SALL1: variants seen among roughly 807,000 people sequenced by gnomAD.
SALL1 encodes spalt like transcription factor 1, also known as sal-like protein 1.
In SALL1, 10 loss-of-function variants were observed where a neutral mutation model predicts 73.1. That is an observed-to-expected ratio of 0.14 (90% CI 0.08 to 0.23). SALL1 has a LOEUF of 0.23. SALL1 is among the 10% of genes least tolerant of loss of function. The pLI, the probability that SALL1 is intolerant of heterozygous loss-of-function variation, is 1.00. For missense variants in SALL1, 1,520 were observed against 1,697.3 expected (o/e 0.90, Z 1.84); for synonymous variants, 688 against 689.8 (o/e 1.00, Z 0.04).
chr16:51,139,649 A>T lies in SALL1; in HGVS notation c.2573T>A (p.Leu858His), dbSNP rs754758433. 9.9e-6 allele frequency: 16 copies of T among 1,613,798 alleles called. No individual in the cohort carries two copies. The Admixed American group carries it at 2.7e-4, about 27-fold the overall frequency. ...QDSLSSSPLP[L>H]EMSSIAALEN... ...CAAAGCAGCGATGCTCGACATCTCGAGGGGCAAAGGCGAAGAGGATAAGCT... is the reference window on the plus strand; with the variant it reads ...CAAAGCAGCGATGCTCGACATCTCGTGGGGCAAAGGCGAAGAGGATAAGCT... The change falls in exon 2 of 3, where the codon CTC (leucine) becomes CAC (histidine). Residue 858 changes from leucine (L) to histidine (H), a missense_variant. Transcript: ENST00000251020.
rs189411650 is a variant in SALL1 at position 51,137,145 on chromosome 16, G to C, written c.3942C>G (p.Phe1314Leu). Residue 1314 changes from phenylalanine to leucine, a missense_variant, in exon 3 of 3, where the codon TTC becomes TTG. Phe to Leu is a conservative substitution (Grantham distance 22, BLOSUM62 0). This residue lies in a region of SALL1 where 318 missense variants were observed against 357.1 expected (regional missense o/e 0.89). Coordinates refer to ENST00000251020, the MANE Select transcript of SALL1 (RefSeq NM_002968.3). Reference sequence around the variant, plus strand: ...TGACGATCTCCTTGCTGTCCTCCACGAAGCGGGTGAAGCGGAAGTTGGTTC... The same window carrying C: ...TGACGATCTCCTTGCTGTCCTCCACCAAGCGGGTGAAGCGGAAGTTGGTTC... ...ENGTNFRFTR[F>L]VEDSKEIVTS 6 of 1,614,012 alleles carry C rather than the reference G, an allele frequency of 3.7e-6. No individual in the cohort carries two copies. Among genetic ancestry groups the C allele is most frequent in the Non-Finnish European group, 5.1e-6 (6 of 1,180,042 alleles).
chr16:51,142,743 C>A (rs1254135934), intron 1 of SALL1, among the ~76,000 whole-genome samples: 2 of 152,186 alleles, frequency 1.3e-5, no homozygotes, highest in African/African-American at 4.8e-5. Context: ...TTAGTCACAT[C>A]AGTAACAAAT....
At chr16:51,148,264 G>A (rs1365616494) in intron 1 of SALL1, among the ~76,000 whole-genome samples, 1 of 152,216 alleles carries the variant, frequency 6.6e-6, no homozygotes, top group Non-Finnish European at 1.5e-5. Flanking sequence ...ACAACACCAA[G>A]CAGCCCTAGC....
chr16:51,143,808 T>TTAAA (rs771214637), intron 1 of SALL1, among the ~76,000 whole-genome samples: 10 of 152,172 alleles, frequency 6.6e-5, no homozygotes, highest in Non-Finnish European at 1.5e-4. Flanking sequence ...ACTGGGAGTG[T>TTAAA]TATTTGAGTA....
At position 51,139,351 on chromosome 16, in the gene SALL1, G is replaced by A. The variant is rs1320682840; in HGVS notation, c.2871C>T (p.Ala957=). 2.5e-6 allele frequency: 4 copies of A among 1,614,130 alleles called. No individual in the cohort carries two copies. In the East Asian group the frequency reaches 6.7e-5, roughly 27 times the overall value. The change falls in exon 2 of 3, where the codon GCC becomes GCT. Residue 957 remains alanine, a synonymous_variant. Transcript: ENST00000251020. ...KPQRAVPSEF[A]NGLSPTPVNG... is the part of the protein sequence containing the mutation. The stretch of plus-strand genomic sequence containing the variant: ...TCACTGGGGTGGGAGACAAACCATT[G>A]GCAAACTCGCTTGGGACCGCTCTCT...
chr16:51,141,741 CGCCGCT>C lies in SALL1; in HGVS notation c.475_480del (p.Ser159_Gly160del). On this transcript the variant is annotated inframe_deletion, in exon 2 of 3. Coordinates refer to ENST00000251020, the MANE Select transcript of SALL1 (RefSeq NM_002968.3). The surrounding 1 kb of genome is among the most constrained non-coding windows in gnomAD (Gnocchi z 5.4). ...GTACCTGTGGAGGAGCTGCCGCCGC[CGCCGCT>C]GCTGCTGCTGCTGCTGCTGCTGCTG... The C allele has an allele frequency of 6.2e-7, 1 of 1,609,600 alleles. No individual in the cohort carries two copies. The highest frequency in any genetic ancestry group is 8.5e-7 in the Non-Finnish European group (1 of 1,179,304).
At chr16:51,151,859 G>C (rs533490973), upstream of SALL1, among the ~76,000 whole-genome samples, 2 of 151,436 alleles carry the variant, frequency 1.3e-5, no homozygotes, top group Non-Finnish European at 3.0e-5. Context: ...CCGGGCTGCC[G>C]GCGCGCTGCG....
rs1414027666 is a variant in SALL1 at position 51,140,494 on chromosome 16, G to A, written c.1728C>T (p.Ala576=). 1 of 1,614,006 alleles carries A rather than the reference G, an allele frequency of 6.2e-7. No homozygotes were observed. Among genetic ancestry groups the A allele is most frequent in the Non-Finnish European group, 8.5e-7 (1 of 1,179,980 alleles). Residue 576 remains alanine (A), a synonymous_variant, in exon 2 of 3, where the codon GCC becomes GCT. Coordinates refer to ENST00000251020, the MANE Select transcript of SALL1 (RefSeq NM_002968.3). The surrounding 1 kb of genome is among the most constrained non-coding windows in gnomAD (Gnocchi z 5.7). ...LIPFIKTEEP[A]PIPISHSATS... The stretch of plus-strand genomic sequence containing the variant: ...TGGCAGAATGGCTGATGGGGATGGG[G>A]GCTGGCTCTTCCGTCTTGATGAAGG...
At position 51,139,595 on chromosome 16, in the gene SALL1, C is replaced by T. The variant is rs1253981460; in HGVS notation, c.2627G>A (p.Gly876Asp). ...LENQMKMINA[G>D]LAEQLQASLK... The stretch of plus-strand genomic sequence containing the variant: ...GCTGGCCTGTAGCTGCTCTGCCAGG[C>T]CAGCATTGATCATCTTCATCTGATT... Residue 876 changes from glycine to aspartate, a missense_variant, in exon 2 of 3, where the codon GGC becomes GAC. Gly to Asp is a moderately conservative substitution (Grantham distance 94). Transcript: ENST00000251020. The T allele has an allele frequency of 6.2e-7, 1 of 1,613,858 alleles. No individual in the cohort carries two copies. The highest frequency in any genetic ancestry group is 2.2e-5 in the East Asian group (1 of 44,894).
chr16:51,137,064 G>T lies in SALL1; in HGVS notation c.*48C>A. The T allele has an allele frequency of 6.3e-7, 1 of 1,588,154 alleles. No homozygotes were observed. Among genetic ancestry groups the T allele is most frequent in the Non-Finnish European group, 8.6e-7 (1 of 1,158,298 alleles). ...GGCAAGGAGTAGGAGGCCACCATAG[G>T]TCGCATTCTGAACAGGAATGAATGC... On this transcript the variant is annotated 3_prime_UTR_variant, in exon 3 of 3. Transcript: ENST00000251020.
At position 51,139,294 on chromosome 16, in the gene SALL1, G is replaced by C; in HGVS notation, c.2928C>G (p.His976Gln). 1.2e-6 allele frequency: 2 copies of C among 1,614,134 alleles called. No individual in the cohort carries two copies. Among genetic ancestry groups the C allele is most frequent in the Non-Finnish European group, 8.5e-7 (1 of 1,180,028 alleles). The change falls in exon 2 of 3, where the codon CAC (histidine) becomes CAG (glutamine). Residue 976 changes from histidine to glutamine, a missense_variant. Physicochemically the swap from His to Gln is conservative, Grantham distance 24. This residue lies in a region of SALL1 where 266 missense variants were observed against 275.1 expected (regional missense o/e 0.97). Transcript: ENST00000251020. Reference protein sequence around the residue: ...NGGALDLTSSHAEKIIKEDSL... With the variant: ...NGGALDLTSSQAEKIIKEDSL... The stretch of plus-strand genomic sequence containing the variant: ...AATCTTCTTTGATGATTTTCTCTGC[G>C]TGACTAGATGTCAAATCCAAAGCCC...
rs1339649887 is a variant in SALL1 at position 51,140,872 on chromosome 16, C to T, written c.1350G>A (p.Lys450=). Residue 450 remains lysine (K), a synonymous_variant, in exon 2 of 3, where the codon AAG becomes AAA. Transcript: ENST00000251020. The surrounding 1 kb of genome is among the most constrained non-coding windows in gnomAD (Gnocchi z 5.7). ...CAAAGACCTTCGCGCAGAACCTGCA[C>T]TTGTGTTTGAAGAATGCCTCATCGG... ...STSDEAFFKH[K]CRFCAKVFGS... 1 of 1,614,090 alleles carries T rather than the reference C, an allele frequency of 6.2e-7. No individual in the cohort carries two copies. The highest frequency in any genetic ancestry group is 8.5e-7 in the Non-Finnish European group (1 of 1,180,056).
chr16:51,141,789 T>C lies in SALL1; in HGVS notation c.433A>G (p.Ser145Gly). 2 of 1,612,946 alleles carry C rather than the reference T, an allele frequency of 1.2e-6. No homozygotes were observed. The highest frequency in any genetic ancestry group is 1.7e-6 in the Non-Finnish European group (2 of 1,179,734). The change falls in exon 2 of 3, where the codon AGC (serine) becomes GGC (glycine). Residue 145 changes from serine to glycine, a missense_variant. By Grantham distance (56) the Ser-to-Gly change is moderately conservative (BLOSUM62 0). Transcript: ENST00000251020. This position sits in a 1 kb window ranked among gnomAD's most constrained non-coding sequence, Gnocchi z 5.4. ...CTGCTGCTGCTTGGGGCGGTACTGC[T>C]GTGGCTGCCGCTGGAAGTGCCGCTG... ...SGSGTSSGSH[S>G]STAPSSSSSS...
chr16:51,140,083 C>T lies in SALL1; in HGVS notation c.2139G>A (p.Arg713=). Residue 713 remains arginine, a synonymous_variant, in exon 2 of 3, where the codon CGG becomes CGA. Transcript: ENST00000251020. This position sits in a 1 kb window ranked among gnomAD's most constrained non-coding sequence, Gnocchi z 5.7. ...TCAAGGCGCTCTGGCAGCTGAGAACCCGGTGGCAGATGATGCACTCATTGG... is the reference window on the plus strand; with the variant it reads ...TCAAGGCGCTCTGGCAGCTGAGAACTCGGTGGCAGATGATGCACTCATTGG... ...TDPNECIICH[R]VLSCQSALKM... is the part of the protein sequence containing the mutation. 6.2e-7 allele frequency: 1 copy of T among 1,614,214 alleles called. No individual in the cohort carries two copies. The highest frequency in any genetic ancestry group is 1.1e-5 in the South Asian group (1 of 91,080).
chr16:51,151,432 T>C (rs1420684914), upstream of SALL1: 4 of 200,466 alleles, frequency 2.0e-5, no homozygotes, highest in Admixed American at 6.1e-5. Flanking sequence ...CAATAATGCA[T>C]TGCGATTAAT....
At chr16:51,138,603 T>C (rs1962352630) in intron 2 of SALL1, 85 bp downstream of exon 2, 3 of 1,496,460 alleles carry the variant, frequency 2.0e-6, no homozygotes, top group Non-Finnish European at 1.8e-6. Context: ...TCTGGGCTGA[T>C]GACTCTGGGG....
Position 51,139,939 on chromosome 16 carries a change from C to T in SALL1, c.2283G>A (p.Pro761=), listed in dbSNP as rs774128799. 1.1e-5 allele frequency: 17 copies of T among 1,614,088 alleles called. No homozygotes were observed. The highest frequency in any genetic ancestry group is 2.2e-5 in the South Asian group (2 of 91,086). The change falls in exon 2 of 3, where the codon CCG becomes CCA. Residue 761 remains proline, a synonymous_variant. Transcript: ENST00000251020. Reference sequence around the variant, plus strand: ...TGGGGCAGGAATGCTGGACTCTGAGCGGGGGCATAGCACGATGGACACTGT... The same window carrying T: ...TGGGGCAGGAATGCTGGACTCTGAGTGGGGGCATAGCACGATGGACACTGT... The part of the protein sequence containing the change: ...THYSVHRAMP[P]LRVQHSCPIC...
chr16:51,151,402 C>A (rs1483526653), upstream of SALL1: 10 of 242,256 alleles, frequency 4.1e-5, no homozygotes, highest in South Asian at 1.7e-4. Context: ...GCGCATGTGT[C>A]CTGCTATAAT....
At chr16:51,150,521 C>A (rs899987379) in intron 1 of SALL1, 3 of 985,970 alleles carry the variant, frequency 3.0e-6, no homozygotes, top group African/African-American at 3.5e-5. Flanking sequence ...CTCTCCACCC[C>A]GGCCGCAACC....
Sources: gnomAD v4.1 joint callset for allele counts (sites outside exome capture counted in the v4.1 genomes callset) on GRCh38, gnomAD v4.1.1 for gene constraint, gnomAD v4.1.1 regional missense constraint, Gnocchi (gnomAD v3.1) non-coding constraint, MANE v1.5 for transcripts, NCBI Gene and HGNC (gene_info 2026-07-23, HGNC 2026-07-21) for gene names.